The following C3orf49 variants were observed in gnomAD, a reference collection of about 807,000 sequenced individuals.
C3orf49 encodes chromosome 3 open reading frame 49, also known as putative uncharacterized protein C3orf49.
C3orf49 carries 27 observed loss-of-function variants against 13.3 expected under a neutral mutation model. The observed-to-expected ratio is 2.02, with a 90% confidence interval of 1.49 to 2.79. C3orf49 has a LOEUF of 2.79. C3orf49 is among the 30% of genes most tolerant of loss of function. C3orf49 has a pLI of 0.00. For synonymous variants in C3orf49, 87 were observed against 47.6 expected (o/e 1.83, Z -3.40); for missense variants, 242 against 134.2 (o/e 1.80, Z -3.97).
chr3:63,782,855 A>G, the C3orf49 span: 1 of 152,206 alleles, frequency 6.6e-6, no homozygotes. Context: ...CCTTCCAAAC[A>G]CTGATGTTTC....
the C3orf49 span, among the ~76,000 whole-genome samples, chr3:63,789,851 A>G: frequency 6.6e-6 from 1 of 151,076 alleles, no homozygotes; most frequent in South Asian, 2.1e-4. Flanking sequence ...ACAATGGGAC[A>G]TATGCTTGCC....
At chr3:63,783,380 G>A in the C3orf49 span, among the ~76,000 whole-genome samples, 1 of 151,916 alleles carries the variant, frequency 6.6e-6, no homozygotes, top group Non-Finnish European at 1.5e-5. Flanking sequence ...TAAGAATAAA[G>A]ACATTTAAAA....
the C3orf49 span, among the ~76,000 whole-genome samples, chr3:63,786,887 C>T: frequency 3.3e-5 from 5 of 152,114 alleles, no homozygotes; most frequent in Admixed American, 2.0e-4. Context: ...ATAAACTTCT[C>T]GAGAAAGACA....
the C3orf49 span, chr3:63,782,745 A>G: frequency 6.6e-6 from 1 of 152,252 alleles, no homozygotes; most frequent in Non-Finnish European, 1.5e-5. Flanking sequence ...AAGGACAGGC[A>G]GGAACTTAGA....
chr3:63,800,266 G>A, the C3orf49 span, among the ~76,000 whole-genome samples: 9 of 152,066 alleles, frequency 5.9e-5, no homozygotes, highest in South Asian at 2.1e-4. Context: ...GTCGTTGGCC[G>A]CTGCTCAGTA....
the C3orf49 span, chr3:63,786,150 TA>T: frequency 6.6e-6 from 1 of 152,146 alleles, no homozygotes; most frequent in Non-Finnish European, 1.5e-5. Flanking sequence ...CACGCATCTC[TA>T]AAAACCAGGC....
upstream of C3orf49, among the ~76,000 whole-genome samples, chr3:63,818,176 T>A (rs1019534157): frequency 6.6e-6 from 1 of 152,142 alleles, no homozygotes; most frequent in African/African-American, 2.4e-5. Context: ...TGAAGCGGAA[T>A]TTCTATTTCA....
intron 5 of C3orf49, chr3:63,837,903 C>A (rs1168659167): frequency 7.3e-6 from 10 of 1,370,802 alleles, no homozygotes; most frequent in Non-Finnish European, 9.9e-6. Context: ...TTTTACCTCA[C>A]AACATTAAAA....
At chr3:63,787,661 T>C in the C3orf49 span, among the ~76,000 whole-genome samples, 2 of 152,046 alleles carry the variant, frequency 1.3e-5, no homozygotes, top group Non-Finnish European at 2.9e-5. Flanking sequence ...AATGAAAGTT[T>C]CCCCCGAACA....
chr3:63,838,088 T>C (rs747534903), intron 5 of C3orf49: 7 of 1,550,562 alleles, frequency 4.5e-6, no homozygotes, highest in East Asian at 2.3e-5. Flanking sequence ...TTTTAAAAGA[T>C]AGTTGTAACA....
At chr3:63,828,999 T>G (rs116470059) in intron 3 of C3orf49, among the ~76,000 whole-genome samples, 31 of 152,328 alleles carry the variant, frequency 2.0e-4, no homozygotes, top group African/African-American at 7.5e-4. Flanking sequence ...CCAGTTGCAC[T>G]AGCTACGTTT....
chr3:63,834,132 C>T (rs80072081), intron 5 of C3orf49: 84 of 1,613,974 alleles, frequency 5.2e-5, no homozygotes, highest in Non-Finnish European at 7.1e-5. Context: ...ATTAGCCTGT[C>T]TATGGCTTAG....
At chr3:63,832,583 G>A (rs79345457) in intron 5 of C3orf49, among the ~76,000 whole-genome samples, 4,676 of 151,982 alleles carry the variant, frequency 0.031, 154 homozygotes, top group African/African-American at 0.082. Flanking sequence ...AATTGCTTAA[G>A]CCTGGGAGGT....
At chr3:63,830,561 G>A (rs1374513501) in intron 3 of C3orf49, among the ~76,000 whole-genome samples, 1 of 152,162 alleles carries the variant, frequency 6.6e-6, no homozygotes, top group Admixed American at 6.5e-5. Flanking sequence ...ACCTGGGAAT[G>A]ATTTCCAATT....
At chr3:63,788,765 G>A in the C3orf49 span, among the ~76,000 whole-genome samples, 1 of 151,740 alleles carries the variant, frequency 6.6e-6, no homozygotes, top group African/African-American at 2.4e-5. Context: ...GTACAGAAAG[G>A]TTAGGAGACT....
At chr3:63,795,850 A>G in the C3orf49 span, among the ~76,000 whole-genome samples, 4 of 152,138 alleles carry the variant, frequency 2.6e-5, no homozygotes, top group African/African-American at 9.7e-5. Context: ...AAACCTAGAA[A>G]CAATCTTGAT....
upstream of C3orf49, among the ~76,000 whole-genome samples, chr3:63,817,254 A>C (rs1406614055): frequency 6.6e-6 from 1 of 152,042 alleles, no homozygotes; most frequent in East Asian, 1.9e-4. Context: ...GTCACTCCTC[A>C]TCCTCAGTCA....
At chr3:63,807,673 A>G in the C3orf49 span, among the ~76,000 whole-genome samples, 1 of 151,928 alleles carries the variant, frequency 6.6e-6, no homozygotes, top group African/African-American at 2.4e-5. Context: ...CCTGGCCAGC[A>G]TGGTGAAACC....
At chr3:63,801,384 TA>T in the C3orf49 span, among the ~76,000 whole-genome samples, 8 of 149,106 alleles carry the variant, frequency 5.4e-5, no homozygotes, top group East Asian at 2.0e-4. Flanking sequence ...TAGACAAAAA[TA>T]AAAAAAAACA....
Sources: gnomAD v4.1 joint callset for allele counts (sites outside exome capture counted in the v4.1 genomes callset) on GRCh38, gnomAD v4.1.1 for gene constraint, MANE v1.5 for transcripts, NCBI Gene and HGNC (gene_info 2026-07-23, HGNC 2026-07-21) for gene names.